DCT: variants seen among roughly 807,000 people sequenced by gnomAD.
The protein encoded by DCT is dopachrome tautomerase, also known as L-dopachrome tautomerase.
Under a neutral mutation model 53.0 loss-of-function variants are expected in DCT, and 47 were observed. The observed-to-expected ratio is 0.89, with a 90% CI of 0.70 to 1.13. DCT has a LOEUF of 1.13. Ranked by LOEUF, DCT falls within the 50% of genes most tolerant of loss-of-function variation. The probability of loss-of-function intolerance (pLI) is 0.00; values close to 1 mark genes in which losing one functional copy is unlikely to be tolerated. For synonymous variants in DCT, 244 were observed against 237.0 expected, an observed-to-expected ratio of 1.03 and a Z score of -0.27; for missense variants, 669 against 637.4, an observed-to-expected ratio of 1.05 and a Z score of -0.53.
the DCT span, among the ~76,000 whole-genome samples, chr13:94,512,582 C>T: frequency 1.3e-5 from 2 of 152,202 alleles, no homozygotes; most frequent in African/African-American, 2.4e-5. Flanking sequence ...TGTAGTATGG[C>T]ATGGCTTTGT....
chr13:94,479,356 T>G lies in DCT; in HGVS notation c.-101A>C. ...TCTTTCAGTCTTTTCTTTTCAGTAT[T>G]TTTTATTTTTCTTTGCTTTCTATTC... is the stretch of plus-strand genomic sequence containing the variant. On this transcript the variant is annotated 5_prime_UTR_variant, in exon 1 of 8. Transcript: ENST00000377028. 1 of 1,150,106 alleles carries G rather than the reference T, an allele frequency of 8.7e-7. No individual in the cohort carries two copies. Among genetic ancestry groups the G allele is most frequent in the Non-Finnish European group, 1.2e-6 (1 of 830,930 alleles). 71.2% of individuals were successfully genotyped at this position (1,150,106 alleles called of 1,614,324 possible).
the DCT span, among the ~76,000 whole-genome samples, chr13:94,507,526 T>C: frequency 6.9e-6 from 1 of 144,388 alleles, no homozygotes; most frequent in African/African-American, 2.6e-5. Context: ...TTTGAGACAG[T>C]GTCTTTCTCT....
chr13:94,487,040 G>A, the DCT span, among the ~76,000 whole-genome samples: 1 of 152,134 alleles, frequency 6.6e-6, no homozygotes, highest in Admixed American at 6.5e-5. Context: ...CAGACCTAAG[G>A]ACATAAGCTA....
chr13:94,461,879 C>G, intron 5 of DCT, 131 bp downstream of exon 5: 1 of 699,308 alleles, frequency 1.4e-6, no homozygotes, highest in Non-Finnish European at 2.3e-6. Flanking sequence ...TAACTTCTCT[C>G]GTTAGGCCTC....
At chr13:94,501,515 G>A in the DCT span, among the ~76,000 whole-genome samples, 2 of 152,020 alleles carry the variant, frequency 1.3e-5, no homozygotes, top group African/African-American at 4.8e-5. Flanking sequence ...TTGAACAAAT[G>A]TTTATTAAGC....
At chr13:94,506,131 C>A in the DCT span, among the ~76,000 whole-genome samples, 5 of 152,138 alleles carry the variant, frequency 3.3e-5, no homozygotes, top group African/African-American at 1.2e-4. Flanking sequence ...ATTCAGAAAT[C>A]ACGTATAGTT....
chr13:94,516,935 C>T, the DCT span, among the ~76,000 whole-genome samples: 88 of 152,290 alleles, frequency 5.8e-4, no homozygotes, highest in African/African-American at 2.0e-3. Context: ...CATTTCCTAA[C>T]CAAGTAATTT....
chr13:94,467,419 T>G (rs930393772), intron 2 of DCT: 1 of 152,232 alleles, frequency 6.6e-6, no homozygotes, highest in Non-Finnish European at 1.5e-5. Context: ...TTCAGAGAGC[T>G]GAACAGACGT....
chr13:94,451,577 G>A (rs1883094267), intron 6 of DCT, among the ~76,000 whole-genome samples: 1 of 152,158 alleles, frequency 6.6e-6, no homozygotes, highest in Non-Finnish European at 1.5e-5. Context: ...TTAAAACAAG[G>A]AGAGTAGTTT....
At chr13:94,532,680 A>G in the DCT span, among the ~76,000 whole-genome samples, 1 of 152,298 alleles carries the variant, frequency 6.6e-6, no homozygotes, top group Non-Finnish European at 1.5e-5. Flanking sequence ...AGAAACACCT[A>G]ATGTAAATGA....
At chr13:94,448,247 C>T (rs1882855192) in intron 6 of DCT, among the ~76,000 whole-genome samples, 1 of 151,160 alleles carries the variant, frequency 6.6e-6, no homozygotes, top group South Asian at 2.1e-4. Context: ...ACTGTCTCAA[C>T]AACAACAACA....
At chr13:94,513,531 T>G in the DCT span, among the ~76,000 whole-genome samples, 4 of 152,126 alleles carry the variant, frequency 2.6e-5, no homozygotes, top group African/African-American at 9.7e-5. Flanking sequence ...TGGGCAGCAT[T>G]TGTTAGGCAC....
the DCT span, among the ~76,000 whole-genome samples, chr13:94,490,529 A>AAAAAAAAAAAAAAAC: frequency 1.3e-5 from 2 of 148,714 alleles, no homozygotes; most frequent in Non-Finnish European, 3.0e-5. Context: ...AAAAAAAAAA[A>AAAAAAAAAAAAAAAC]AACAACTAAC....
chr13:94,475,444 C>T (rs1458268795), intron 1 of DCT, among the ~76,000 whole-genome samples: 6 of 152,158 alleles, frequency 3.9e-5, no homozygotes, highest in African/African-American at 1.4e-4. Flanking sequence ...AGGACAAACT[C>T]TGCATGATTA....
the DCT span, among the ~76,000 whole-genome samples, chr13:94,525,226 G>A: frequency 0.012 from 1,832 of 152,002 alleles, 37 homozygotes; most frequent in African/African-American, 0.042. Flanking sequence ...TCAGCCTCCC[G>A]AGTAGCTGGG....
intron 4 of DCT, among the ~76,000 whole-genome samples, chr13:94,465,170 C>T (rs1016905515): frequency 4.6e-5 from 7 of 152,142 alleles, no homozygotes; most frequent in Admixed American, 6.5e-5. Flanking sequence ...AAATCTATCT[C>T]GTTAATACAA....
At chr13:94,469,544 T>A (rs77956057) in intron 1 of DCT, among the ~76,000 whole-genome samples, 2,221 of 152,232 alleles carry the variant, frequency 0.015, 45 homozygotes, top group African/African-American at 0.05. Context: ...ACCAACTCCC[T>A]GATCTCAGCC....
rs1378478140 is a variant in DCT at position 94,439,696 on chromosome 13, A to G, written c.*202T>C. The G allele has an allele frequency of 2.5e-6, 1 of 407,452 alleles. No individual in the cohort carries two copies. The highest frequency in any genetic ancestry group is 4.3e-6 in the Non-Finnish European group (1 of 230,698). 25.2% of individuals were successfully genotyped at this position (407,452 alleles called of 1,614,324 possible). On this transcript the variant is annotated 3_prime_UTR_variant, in exon 8 of 8. Transcript: ENST00000377028. ...TTATTTGAAGGTAGAGGTAGCCTCA[A>G]GCACTTTAGTTGGGTTTGTTAAACA... is the stretch of plus-strand genomic sequence containing the variant.
chr13:94,462,308 G>A (rs540299783), intron 4 of DCT, 119 bp from the exon 5 acceptor site: 2 of 731,672 alleles, frequency 2.7e-6, no homozygotes, highest in South Asian at 1.6e-5. Context: ...AGGAGTTTGA[G>A]ACCAGCTATG....
Sources: gnomAD v4.1 joint callset for allele counts (sites outside exome capture counted in the v4.1 genomes callset) on GRCh38, gnomAD v4.1.1 for gene constraint, MANE v1.5 for transcripts, NCBI Gene and HGNC (gene_info 2026-07-23, HGNC 2026-07-21) for gene names.